Variants in FRYL observed in about 807,000 individuals in gnomAD.
FRYL encodes the protein protein furry homolog-like.
FRYL carries 150 observed loss-of-function variants against 351.2 expected under a neutral mutation model. The observed-to-expected ratio is 0.43, with a 90% confidence interval of 0.37 to 0.49. The LOEUF is 0.49. Among genes scored for constraint, FRYL ranks in the 20% least tolerant of loss-of-function variants. The pLI, the probability that FRYL is intolerant of heterozygous loss-of-function variation, is 0.00. For missense variants in FRYL, 3,036 were observed against 3,619.3 expected (o/e 0.84, Z 4.13); for synonymous variants, 1,153 against 1,257.1 (o/e 0.92, Z 1.75).
intron 3 of FRYL, chr4:48,646,046 T>C (rs1270797919): frequency 1.3e-5 from 2 of 152,218 alleles, no homozygotes; most frequent in African/African-American, 4.8e-5. Context: ...ATTCAGATAT[T>C]GTTCCAAAAT....
chr4:48,602,266 T>C (rs1161380346), intron 12 of FRYL, 145 bp from the exon 13 acceptor site: 40 of 574,136 alleles, frequency 7.0e-5, no homozygotes, highest in Non-Finnish European at 1.2e-4. Context: ...TATAATCTCA[T>C]AGAATAATCT....
chr4:48,726,110 T>C (rs1770053381), intron 1 of FRYL, among the ~76,000 whole-genome samples: 1 of 152,196 alleles, frequency 6.6e-6, no homozygotes. Flanking sequence ...CTTGCTTTTC[T>C]AAGATATAAG....
intron 57 of FRYL, among the ~76,000 whole-genome samples, chr4:48,511,849 T>C (rs1722555233): frequency 6.6e-6 from 1 of 152,116 alleles, no homozygotes; most frequent in Non-Finnish European, 1.5e-5. Flanking sequence ...GGAGGAAAGG[T>C]GGTAGATAGT....
chr4:48,570,811 T>G lies in FRYL; in HGVS notation c.2996+16A>C, dbSNP rs1243975814. Reference sequence around the variant, plus strand: ...GGATCATTCCAGAGTTTTAACAATGTGAATCCAATACTGACCTGTGACTAA... The same window carrying G: ...GGATCATTCCAGAGTTTTAACAATGGGAATCCAATACTGACCTGTGACTAA... On this transcript the variant is annotated intron_variant, in intron 27 of 63. Transcript: ENST00000358350. 2 of 1,565,344 alleles carry G rather than the reference T, an allele frequency of 1.3e-6. No individual in the cohort carries two copies. Among genetic ancestry groups the G allele is most frequent in the East Asian group, 2.2e-5 (1 of 44,630 alleles).
Position 48,557,454 on chromosome 4 carries a change from T to C in FRYL, c.4124A>G (p.Lys1375Arg). The change falls in exon 34 of 64, where the codon AAG becomes AGG. Residue 1375 changes from lysine to arginine, a missense_variant and splice_region_variant. By Grantham distance (26) the Lys-to-Arg change is conservative (BLOSUM62 2). Transcript: ENST00000358350. ...VLNNLMYMTA[K>R]YGDELAWSEV... is the part of the protein sequence containing the mutation. ...TTATAAATACAAAACTCATTTTACC[T>C]TTGCTGTCATATACATCAGATTGTT... 1 of 1,613,932 alleles carries C rather than the reference T, an allele frequency of 6.2e-7. No individual in the cohort carries two copies. Among genetic ancestry groups the C allele is most frequent in the Non-Finnish European group, 8.5e-7 (1 of 1,179,822 alleles).
rs1212968408 is a variant in FRYL at position 48,505,208 on chromosome 4, T to TAACA, written c.8463+335_8463+338dup. Among the ~76,000 whole-genome samples the TAACA allele has an allele frequency of 7.2e-5, 11 of 152,266 alleles. No individual in the cohort carries two copies. In the East Asian group the frequency reaches 1.7e-3, roughly 24 times the overall value. ...GGTTTGCTTTCTTGACCAATTTATC[T>TAACA]AACAGAATAGCAGAATACTAACATG... On this transcript the variant is annotated intron_variant, in intron 60 of 63. Transcript: ENST00000358350.
At chr4:48,578,899 G>GA in intron 23 of FRYL, 74 bp downstream of exon 23, 5 of 1,335,188 alleles carry the variant, frequency 3.7e-6, no homozygotes, top group Non-Finnish European at 5.1e-6. Flanking sequence ...TAATACTTTT[G>GA]AATTTTTCAA....
intron 62 of FRYL, among the ~76,000 whole-genome samples, chr4:48,500,554 T>G (rs184167396): frequency 1.5e-3 from 231 of 152,284 alleles, no homozygotes; most frequent in Non-Finnish European, 2.1e-3. Flanking sequence ...AGTAAAGTCT[T>G]TAGATTTTAA....
chr4:48,654,298 CAAAA>C (rs34418324), intron 3 of FRYL, among the ~76,000 whole-genome samples: 1 of 123,648 alleles, frequency 8.1e-6, no homozygotes. Context: ...AATAGCTGAT[CAAAA>C]AAAAAAAAAA....
At chr4:48,663,774 C>CAA (rs71191251) in intron 3 of FRYL, among the ~76,000 whole-genome samples, 1,487 of 68,882 alleles carry the variant, frequency 0.022, 104 homozygotes, top group Admixed American at 0.049. Flanking sequence ...GACTCCGTCT[C>CAA]AAAAAAAAAA....
chr4:48,757,593 A>G (rs893250079), intron 1 of FRYL, among the ~76,000 whole-genome samples: 7 of 152,202 alleles, frequency 4.6e-5, no homozygotes, highest in African/African-American at 1.7e-4. Flanking sequence ...ATAAAAGAGG[A>G]TACAAACAAA....
At chr4:48,516,950 A>G (rs1723757896) in intron 55 of FRYL, among the ~76,000 whole-genome samples, 1 of 152,172 alleles carries the variant, frequency 6.6e-6, no homozygotes, top group East Asian at 1.9e-4. Context: ...ATTGCAGGGA[A>G]AGTGATTAGA....
At position 48,736,537 on chromosome 4, in the gene FRYL, T is replaced by C. The variant is rs1414681538; in HGVS notation, c.-383-25839A>G. On this transcript the variant is annotated intron_variant, in intron 1 of 63. Coordinates refer to ENST00000358350, the MANE Select transcript of FRYL (RefSeq NM_015030.2). ...GACAATACTACAGATTCCATGAGCA[T>C]TAAAAGGATAATAAAGAAATACTAT... Among the ~76,000 whole-genome samples the C allele has an allele frequency of 1.5e-4, 23 of 151,830 alleles. 1 individual carries two copies.
intron 1 of FRYL, among the ~76,000 whole-genome samples, chr4:48,770,127 C>T (rs537883200): frequency 7.2e-5 from 11 of 152,200 alleles, no homozygotes; most frequent in South Asian, 6.2e-4. Context: ...TGAATATTAA[C>T]GATATTGTAT....
In FRYL at chr4:48,773,269, T is replaced by C. The variant is rs542918029; in HGVS notation, c.-384+6809A>G. Among the ~76,000 whole-genome samples the C allele has an allele frequency of 3.9e-5, 6 of 152,322 alleles. 1 individual carries two copies. Among genetic ancestry groups the C allele is most frequent in the African/African-American group, 1.4e-4 (6 of 41,572 alleles). On this transcript the variant is annotated intron_variant, in intron 1 of 63. Transcript: ENST00000358350. ...GAGCTGATGAAAATATCTGTGATCATAGTGATCAGCCAATCAATAAGCACT... is the reference window on the plus strand; with the variant it reads ...GAGCTGATGAAAATATCTGTGATCACAGTGATCAGCCAATCAATAAGCACT...
intron 1 of FRYL, among the ~76,000 whole-genome samples, chr4:48,732,674 G>A (rs1770857576): frequency 1.4e-5 from 2 of 147,506 alleles, no homozygotes; most frequent in Non-Finnish European, 1.5e-5. Context: ...ACTATCACAA[G>A]ATCAGAAAAC....
intron 2 of FRYL, among the ~76,000 whole-genome samples, chr4:48,689,197 T>A (rs1270445461): frequency 6.6e-6 from 1 of 152,234 alleles, no homozygotes; most frequent in African/African-American, 2.4e-5. Context: ...GAACAGCAGT[T>A]ATTGTCATAT....
intron 18 of FRYL, among the ~76,000 whole-genome samples, chr4:48,588,772 C>A (rs1286153518): frequency 6.6e-6 from 1 of 152,116 alleles, no homozygotes; most frequent in East Asian, 1.9e-4. Flanking sequence ...GTAATAAAAT[C>A]TTTATTGCTA....
rs1416075910 is a variant in FRYL, at chr4:48,616,259, A to G, written c.411+3015T>C. ...CTGGCCATTTCACCTAATGTATCAC[A>G]TATTTTACCAATGAGAATTAAGTTT... On this transcript the variant is annotated intron_variant, in intron 7 of 63. Coordinates refer to ENST00000358350, the MANE Select transcript of FRYL (RefSeq NM_015030.2). Among the ~76,000 whole-genome samples, 10 of 152,270 alleles carry G rather than the reference A, an allele frequency of 6.6e-5. No individual in the cohort carries two copies. In the East Asian group the frequency reaches 1.9e-3, roughly 29 times the overall value.
Sources: gnomAD v4.1 joint callset for allele counts (sites outside exome capture counted in the v4.1 genomes callset) on GRCh38, gnomAD v4.1.1 for gene constraint, MANE v1.5 for transcripts, NCBI Gene and HGNC (gene_info 2026-07-23, HGNC 2026-07-21) for gene names.